Variants in ANTXR1 observed in about 807,000 individuals in gnomAD.
The protein encoded by ANTXR1 is ANTXR cell adhesion molecule 1, also known as anthrax toxin receptor 1.
ANTXR1 carries 19 observed loss-of-function variants against 78.1 expected under a neutral mutation model. The ratio of observed to expected loss-of-function variants is 0.24; its 90% CI spans 0.17 to 0.36. The LOEUF (loss-of-function observed/expected upper bound fraction) is 0.36, where lower values mean the gene tolerates loss of function less well. ANTXR1 is among the 10% of genes least tolerant of loss of function. ANTXR1 has a pLI of 1.00. For missense variants in ANTXR1, 518 were observed against 718.6 expected, an observed-to-expected ratio of 0.72 and a Z score of 3.19; for synonymous variants, 273 against 260.5, an observed-to-expected ratio of 1.05 and a Z score of -0.46.
At chr2:69,183,574 G>GTTTTTTTT (rs55898655) in intron 16 of ANTXR1, among the ~76,000 whole-genome samples, 1 of 109,290 alleles carries the variant, frequency 9.1e-6, no homozygotes, top group African/African-American at 3.1e-5. Context: ...GCTAATTTTT[G>GTTTTTTTT]TTTTTTTTTT....
At chr2:69,151,826 G>A (rs1046794239) in intron 12 of ANTXR1, among the ~76,000 whole-genome samples, 1 of 152,244 alleles carries the variant, frequency 6.6e-6, no homozygotes, top group African/African-American at 2.4e-5. Context: ...CAGTGAGGAG[G>A]CTGTCACCAG....
chr2:69,032,331 G>A (rs978480141), intron 1 of ANTXR1, among the ~76,000 whole-genome samples: 2 of 152,070 alleles, frequency 1.3e-5, no homozygotes, highest in African/African-American at 4.8e-5. Context: ...TGGGATGATG[G>A]GTGATTTTTA....
At chr2:69,240,591 G>A (rs866429314) in intron 17 of ANTXR1, among the ~76,000 whole-genome samples, 1 of 152,180 alleles carries the variant, frequency 6.6e-6, no homozygotes, top group Non-Finnish European at 1.5e-5. Context: ...GGGAACAATC[G>A]TTTGACTATG....
chr2:69,054,573 G>A (rs1315632800), intron 3 of ANTXR1, among the ~76,000 whole-genome samples: 1 of 152,142 alleles, frequency 6.6e-6, no homozygotes, highest in Non-Finnish European at 1.5e-5. Context: ...AGAACACTTG[G>A]CTCCAACTGC....
chr2:69,112,993 G>A (rs1281368915), intron 10 of ANTXR1, among the ~76,000 whole-genome samples: 1 of 152,208 alleles, frequency 6.6e-6, no homozygotes, highest in Non-Finnish European at 1.5e-5. Context: ...TTCTGGGGGT[G>A]AGTTGACACA....
intron 17 of ANTXR1, among the ~76,000 whole-genome samples, chr2:69,238,194 G>T (rs1267589090): frequency 6.6e-6 from 1 of 152,122 alleles, no homozygotes; most frequent in African/African-American, 2.4e-5. Flanking sequence ...GAATCTGATT[G>T]GTCTAGCTCA....
chr2:69,168,665 T>A (rs1044281143), intron 13 of ANTXR1, among the ~76,000 whole-genome samples: 1 of 152,146 alleles, frequency 6.6e-6, no homozygotes, highest in Admixed American at 6.5e-5. Context: ...CCCTCCAGTT[T>A]CCAGACATTT....
intron 13 of ANTXR1, among the ~76,000 whole-genome samples, chr2:69,156,621 T>C (rs1208744345): frequency 6.6e-6 from 1 of 152,200 alleles, no homozygotes; most frequent in Non-Finnish European, 1.5e-5. Flanking sequence ...GTTCCAGTCA[T>C]GGCTGATGGC....
intron 13 of ANTXR1, among the ~76,000 whole-genome samples, chr2:69,157,741 A>T (rs190394390): frequency 1.3e-3 from 205 of 152,328 alleles, no homozygotes; most frequent in Admixed American, 4.2e-3. Flanking sequence ...ATGAATGGAT[A>T]CCATTGTCTT....
chr2:69,105,713 T>C (rs1380639693), intron 10 of ANTXR1, among the ~76,000 whole-genome samples: 2 of 152,236 alleles, frequency 1.3e-5, no homozygotes, highest in Non-Finnish European at 2.9e-5. Flanking sequence ...TTTAAAATGT[T>C]ATCTGTTTTT....
intron 1 of ANTXR1, among the ~76,000 whole-genome samples, chr2:69,016,024 A>G (rs1292984418): frequency 6.6e-6 from 1 of 152,212 alleles, no homozygotes; most frequent in Non-Finnish European, 1.5e-5. Flanking sequence ...AAAAATTACA[A>G]TATTCAGTAT....
intron 3 of ANTXR1, among the ~76,000 whole-genome samples, chr2:69,061,950 A>G (rs986663875): frequency 6.6e-6 from 1 of 152,118 alleles, no homozygotes; most frequent in Admixed American, 6.5e-5. Context: ...AAAAGCCCAG[A>G]CAAAATAAAA....
chr2:69,178,899 G>A (rs993636747), intron 14 of ANTXR1, among the ~76,000 whole-genome samples: 1 of 152,124 alleles, frequency 6.6e-6, no homozygotes, highest in Non-Finnish European at 1.5e-5. Flanking sequence ...CATGAACCTA[G>A]TTGAGTCCCC....
At chr2:69,105,164 T>G (rs1362532710) in intron 10 of ANTXR1, among the ~76,000 whole-genome samples, 2 of 152,194 alleles carry the variant, frequency 1.3e-5, no homozygotes, top group African/African-American at 2.4e-5. Context: ...TTTTCCAACT[T>G]CTTTGGGAAA....
At chr2:69,025,257 A>G (rs1671308036) in intron 1 of ANTXR1, among the ~76,000 whole-genome samples, 1 of 152,108 alleles carries the variant, frequency 6.6e-6, no homozygotes, top group African/African-American at 2.4e-5. Flanking sequence ...TAATAAGAAC[A>G]ACCACTTTTC....
intron 12 of ANTXR1, among the ~76,000 whole-genome samples, chr2:69,126,361 G>T (rs1338802441): frequency 6.6e-6 from 1 of 152,106 alleles, no homozygotes; most frequent in African/African-American, 2.4e-5. Context: ...CAGACATCTG[G>T]TCAACCCTCA....
intron 1 of ANTXR1, among the ~76,000 whole-genome samples, chr2:69,029,614 G>GT (rs1553431266): frequency 6.6e-6 from 1 of 151,736 alleles, no homozygotes; most frequent in Non-Finnish European, 1.5e-5. Flanking sequence ...ACTGGCGTTA[G>GT]TTTTTTTACT....
intron 10 of ANTXR1, among the ~76,000 whole-genome samples, chr2:69,116,449 A>C (rs1460473010): frequency 1.3e-5 from 2 of 152,204 alleles, no homozygotes; most frequent in African/African-American, 2.4e-5. Flanking sequence ...GGAGGCAGTG[A>C]GGAGGTAGAA....
intron 12 of ANTXR1, among the ~76,000 whole-genome samples, chr2:69,139,976 C>G (rs1413040470): frequency 6.6e-6 from 1 of 152,180 alleles, no homozygotes; most frequent in Non-Finnish European, 1.5e-5. Flanking sequence ...TAAAGTACTC[C>G]AAGTACTAAC....
Sources: gnomAD v4.1 joint callset for allele counts (sites outside exome capture counted in the v4.1 genomes callset) on GRCh38, gnomAD v4.1.1 for gene constraint, MANE v1.5 for transcripts, NCBI Gene and HGNC (gene_info 2026-07-23, HGNC 2026-07-21) for gene names.